Variants in DLG1 observed in about 807,000 individuals in gnomAD.
DLG1 encodes discs large MAGUK scaffold protein 1, also known as disks large homolog 1.
DLG1 carries 42 observed loss-of-function variants against 123.4 expected under a neutral mutation model. The ratio of observed to expected loss-of-function variants is 0.34; its 90% CI spans 0.27 to 0.44. The LOEUF (loss-of-function observed/expected upper bound fraction) is 0.44, where lower values mean the gene tolerates loss of function less well. Among genes scored for constraint, DLG1 ranks in the 20% least tolerant of loss-of-function variants. The pLI is 1.00. For missense variants in DLG1, 942 were observed against 1,082.6 expected (o/e 0.87, Z 1.82); for synonymous variants, 317 against 356.2 (o/e 0.89, Z 1.24).
chr3:197,183,127 C>T (rs1713470406), intron 5 of DLG1, among the ~76,000 whole-genome samples: 2 of 151,998 alleles, frequency 1.3e-5, no homozygotes, highest in African/African-American at 4.8e-5. Flanking sequence ...AATCTATTTT[C>T]AAAACACTGA....
intron 7 of DLG1, among the ~76,000 whole-genome samples, chr3:197,142,230 A>T (rs539414834): frequency 6.6e-6 from 1 of 152,338 alleles, no homozygotes; most frequent in African/African-American, 2.4e-5. Context: ...AATATAAACA[A>T]AATTAAAAAG....
At chr3:197,226,131 G>A (rs1189946485) in intron 4 of DLG1, 3 of 152,188 alleles carry the variant, frequency 2.0e-5, no homozygotes, top group Non-Finnish European at 4.4e-5. Flanking sequence ...CCACAGCAGA[G>A]ATCAGGTCGG....
chr3:197,102,067 A>G (rs1030654030), intron 14 of DLG1, among the ~76,000 whole-genome samples: 2 of 152,176 alleles, frequency 1.3e-5, no homozygotes, highest in Non-Finnish European at 2.9e-5. Flanking sequence ...AATTTCTGAT[A>G]ATGATTCTCC....
chr3:197,298,635 G>A (rs1313708488), upstream of DLG1: 10 of 389,188 alleles, frequency 2.6e-5, no homozygotes, highest in Middle Eastern at 6.3e-4. Context: ...GGGAAAAGCC[G>A]CCTTAAGGAG....
chr3:197,164,714 C>G (rs1485279564), intron 5 of DLG1, among the ~76,000 whole-genome samples: 1 of 138,752 alleles, frequency 7.2e-6, no homozygotes, highest in Non-Finnish European at 1.5e-5. Flanking sequence ...CCAGCCTGGT[C>G]AACATGGCAA....
chr3:197,209,986 T>G (rs555639508), intron 4 of DLG1, among the ~76,000 whole-genome samples: 1 of 146,406 alleles, frequency 6.8e-6, no homozygotes, highest in South Asian at 2.6e-4. Flanking sequence ...AAATGGAAAC[T>G]CCTCATTTGG....
At chr3:197,152,746 G>C in intron 5 of DLG1, among the ~76,000 whole-genome samples, 1 of 118,970 alleles carries the variant, frequency 8.4e-6, no homozygotes, top group Admixed American at 1.1e-4. Context: ...CTGGGCAACA[G>C]AGCGAGACTC....
intron 4 of DLG1, among the ~76,000 whole-genome samples, chr3:197,221,474 G>A (rs1002577147): frequency 1.3e-5 from 2 of 151,668 alleles, no homozygotes; most frequent in East Asian, 1.9e-4. Flanking sequence ...GAACCGAGCC[G>A]AGGCTGCACC....
At chr3:197,283,493 T>C (rs937977869) in intron 3 of DLG1, among the ~76,000 whole-genome samples, 2 of 152,190 alleles carry the variant, frequency 1.3e-5, no homozygotes, top group Non-Finnish European at 2.9e-5. Flanking sequence ...ATGACAAAAC[T>C]CTAAAATAAA....
At chr3:197,181,323 C>A (rs1183390977) in intron 5 of DLG1, among the ~76,000 whole-genome samples, 1 of 152,110 alleles carries the variant, frequency 6.6e-6, no homozygotes, top group African/African-American at 2.4e-5. Context: ...ATCTTTCTGT[C>A]AAATCTTAGA....
At chr3:197,183,629 G>A in intron 5 of DLG1, 1 of 1,550,542 alleles carries the variant, frequency 6.4e-7, no homozygotes, top group South Asian at 1.2e-5. Flanking sequence ...GTCTTCGAGT[G>A]AAAAATGCAA....
At chr3:197,168,435 TAATC>T (rs1561198791) in intron 5 of DLG1, among the ~76,000 whole-genome samples, 1 of 152,132 alleles carries the variant, frequency 6.6e-6, no homozygotes, top group Non-Finnish European at 1.5e-5. Context: ...AAACAAATAA[TAATC>T]AAATGAAGGC....
At chr3:197,149,720 T>C (rs578178648) in intron 6 of DLG1, 23 bp downstream of exon 6, 9 of 1,495,868 alleles carry the variant, frequency 6.0e-6, no homozygotes, top group East Asian at 2.3e-5. Context: ...ATTACTTCAA[T>C]GTGGGGAGGA....
At chr3:197,283,518 A>G (rs1256171464) in intron 3 of DLG1, among the ~76,000 whole-genome samples, 2 of 152,220 alleles carry the variant, frequency 1.3e-5, no homozygotes, top group Non-Finnish European at 2.9e-5. Context: ...AAATTTATTT[A>G]TAATAGCACA....
intron 2 of DLG1, 41 bp downstream of exon 2, chr3:197,297,145 G>C: frequency 6.2e-6 from 10 of 1,611,472 alleles, no homozygotes; most frequent in Non-Finnish European, 5.1e-6. Flanking sequence ...ACACGGAAAA[G>C]CAAGTGACAT....
At chr3:197,141,288 C>G (rs778479227) in intron 7 of DLG1, among the ~76,000 whole-genome samples, 6 of 152,108 alleles carry the variant, frequency 3.9e-5, no homozygotes, top group African/African-American at 1.4e-4. Context: ...CTTAGGTACT[C>G]AAGTTCTTCA....
intron 5 of DLG1, among the ~76,000 whole-genome samples, chr3:197,192,594 T>C (rs1261323556): frequency 6.6e-6 from 1 of 152,112 alleles, no homozygotes; most frequent in Non-Finnish European, 1.5e-5. Context: ...CTCTTTTAGT[T>C]CCCCAAGGGA....
intron 4 of DLG1, among the ~76,000 whole-genome samples, chr3:197,222,390 T>C (rs1737597071): frequency 6.6e-6 from 1 of 152,206 alleles, no homozygotes; most frequent in African/African-American, 2.4e-5. Context: ...CCAAGCTGAC[T>C]ATAATGAGGA....
At chr3:197,294,532 C>T (rs1256382897) in intron 3 of DLG1, among the ~76,000 whole-genome samples, 2 of 151,868 alleles carry the variant, frequency 1.3e-5, no homozygotes, top group African/African-American at 4.8e-5. Context: ...GTGGTGGGCA[C>T]CTTTGGTCCC....
Sources: allele counts gnomAD v4.1 joint callset (sites outside exome capture counted in the v4.1 genomes callset), GRCh38; gene constraint gnomAD v4.1.1; transcripts MANE v1.5; gene names NCBI Gene and HGNC (gene_info 2026-07-23, HGNC 2026-07-21).